CLCN3: variants seen among roughly 807,000 people sequenced by gnomAD.
CLCN3 encodes the protein Cl-/H+ antiporter 3, also known as H(+)/Cl(-) exchange transporter 3.
A neutral mutation model predicts 83.4 loss-of-function variants in CLCN3; 16 were observed. The ratio of observed to expected loss-of-function variants is 0.19; its 90% CI spans 0.13 to 0.29. CLCN3 has a LOEUF of 0.29. CLCN3 is among the 10% of genes least tolerant of loss of function. CLCN3 has a pLI of 1.00. For missense variants in CLCN3, 544 were observed against 1,006.0 expected (o/e 0.54, Z 6.21); for synonymous variants, 322 against 346.2 (o/e 0.93, Z 0.78).
intron 7 of CLCN3, among the ~76,000 whole-genome samples, chr4:169,693,605 G>A (rs1222940316): frequency 6.6e-6 from 1 of 152,122 alleles, no homozygotes; most frequent in African/African-American, 2.4e-5. Flanking sequence ...GACTATGTGG[G>A]TATATATTTG....
intron 2 of CLCN3, among the ~76,000 whole-genome samples, chr4:169,669,160 G>T (rs1255317402): frequency 1.3e-5 from 2 of 152,160 alleles, no homozygotes; most frequent in African/African-American, 4.8e-5. Flanking sequence ...TTTTAAGTTT[G>T]GAAATATACC....
chr4:169,697,758 T>A (rs773222659), intron 9 of CLCN3, 24 bp downstream of exon 9: 1 of 1,504,486 alleles, frequency 6.6e-7, no homozygotes, highest in Non-Finnish European at 9.0e-7. Flanking sequence ...TGAGGTGATA[T>A]TTGGGTAATT....
At position 169,620,638 on chromosome 4, in the gene CLCN3, G is replaced by T; in HGVS notation, c.-442G>T. 2.5e-6 allele frequency: 1 copy of T among 397,790 alleles called. No homozygotes were observed. The allele number at this position is 397,790 out of a possible 1,614,324, so 24.6% of individuals were successfully genotyped here. A position where few individuals can be genotyped will look rare whatever the true frequency, so the allele number is the denominator to read the frequency against. On this transcript the variant is annotated 5_prime_UTR_variant, in exon 1 of 13. Transcript: ENST00000513761. ...CGGAACCTGCAGCCCCTTTCCCAGT[G>T]TTCTAGTTCGCCCGTGACCCGGAAT... is the stretch of plus-strand genomic sequence containing the variant.
In CLCN3 at chr4:169,680,165, T is replaced by C. The variant is rs374804050; in HGVS notation, c.276T>C (p.Asp92=). The C allele has an allele frequency of 1.5e-4, 237 of 1,613,930 alleles. 2 individuals are homozygous for C. The South Asian group carries it at 1.7e-3, about 12-fold the overall frequency. ...VGTYDDFHTI[D]WVREKCKDRE... ...CATATGATGATTTCCATACTATTGATTGGGTGCGAGAAAAATGTAAAGACA... is the reference window on the plus strand; with the variant it reads ...CATATGATGATTTCCATACTATTGACTGGGTGCGAGAAAAATGTAAAGACA... Residue 92 remains aspartate, a synonymous_variant, in exon 3 of 13, where the codon GAT becomes GAC. Coordinates refer to ENST00000513761, the MANE Select transcript of CLCN3 (RefSeq NM_001829.4).
chr4:169,706,665 C>CA (rs1733006167), intron 10 of CLCN3, among the ~76,000 whole-genome samples: 1 of 152,098 alleles, frequency 6.6e-6, no homozygotes. Context: ...CTGTTATAAA[C>CA]AAAGAAAATT....
intron 1 of CLCN3, 114 bp from the exon 2 acceptor site, chr4:169,635,799 A>T (rs537982005): frequency 5.8e-5 from 41 of 701,724 alleles, no homozygotes; most frequent in South Asian, 1.9e-4. Flanking sequence ...TGTTACAGTG[A>T]ATACGCTTAA....
intron 1 of CLCN3, among the ~76,000 whole-genome samples, chr4:169,626,241 A>G (rs1469361109): frequency 6.6e-6 from 1 of 152,234 alleles, no homozygotes; most frequent in East Asian, 1.9e-4. Context: ...ACAGATGCAT[A>G]GGGGGAGATA....
At position 169,693,806 on chromosome 4, in the gene CLCN3, C is replaced by T. The variant is rs115285375; in HGVS notation, c.936+1486C>T. On this transcript the variant is annotated intron_variant, in intron 7 of 12. Transcript: ENST00000513761. The stretch of plus-strand genomic sequence containing the variant: ...TAGATGTTTGAGAAATTAAGTTTAC[C>T]TAAATTTTAATGTTCATACTGTAGT... Among the ~76,000 whole-genome samples, 245 of 152,158 alleles carry T rather than the reference C, an allele frequency of 1.6e-3. 1 individual carries two copies. Among genetic ancestry groups the T allele is most frequent in the Middle Eastern group, 3.4e-3 (1 of 294 alleles).
intron 1 of CLCN3, among the ~76,000 whole-genome samples, chr4:169,632,776 G>T (rs1009759609): frequency 2.2e-5 from 3 of 137,128 alleles, no homozygotes; most frequent in African/African-American, 8.1e-5. Context: ...GGGCTGCATA[G>T]AACTTTTTCT....
rs977967662 is a variant in CLCN3 at position 169,643,509 on chromosome 4, C to A, written c.160+7421C>A. On this transcript the variant is annotated intron_variant, in intron 2 of 12. Coordinates refer to ENST00000513761, the MANE Select transcript of CLCN3 (RefSeq NM_001829.4). ...CCTCCCAAAGTGTTAGGATTACAGG[C>A]GTGCACCACTGCGCCTGGCCTCAAA... Among the ~76,000 whole-genome samples the A allele has an allele frequency of 1.3e-5, 2 of 152,036 alleles. 1 individual carries two copies. Among genetic ancestry groups the A allele is most frequent in the South Asian group, 4.1e-4 (2 of 4,826 alleles).
intron 11 of CLCN3, among the ~76,000 whole-genome samples, chr4:169,710,989 G>T (rs1299723741): frequency 6.6e-6 from 1 of 152,102 alleles, no homozygotes; most frequent in Admixed American, 6.6e-5. Context: ...ACTGTATCTG[G>T]CCTGCTGTAG....
chr4:169,669,360 G>A (rs1303611990), intron 2 of CLCN3, among the ~76,000 whole-genome samples: 1 of 152,072 alleles, frequency 6.6e-6, no homozygotes, highest in Non-Finnish European at 1.5e-5. Flanking sequence ...GTGTGGTGGT[G>A]CTTGCCTGCA....
At chr4:169,681,129 A>G (rs1731920577) in intron 3 of CLCN3, among the ~76,000 whole-genome samples, 1 of 152,062 alleles carries the variant, frequency 6.6e-6, no homozygotes, top group East Asian at 1.9e-4. Flanking sequence ...GCTCACTGCA[A>G]CCTCTGCCTC....
At chr4:169,688,284 A>G (rs1732237002) in intron 4 of CLCN3, among the ~76,000 whole-genome samples, 1 of 152,216 alleles carries the variant, frequency 6.6e-6, no homozygotes, top group African/African-American at 2.4e-5. Flanking sequence ...CTCAAGACCT[A>G]TCCCCTTCAT....
chr4:169,669,240 C>T lies in CLCN3; in HGVS notation c.161-10810C>T, dbSNP rs148030740. 3.2e-3 allele frequency among the ~76,000 whole-genome samples: 484 copies of T among 152,124 alleles called. 1 individual carries two copies. Among genetic ancestry groups the T allele is most frequent in the Non-Finnish European group, 4.8e-3 (328 of 67,992 alleles). On this transcript the variant is annotated intron_variant, in intron 2 of 12. Transcript: ENST00000513761. ...TCGAGAATAAGAAAAGACTTAAAAT[C>T]GTAAAAATTAACTGGAAAAGAGGAT...
At chr4:169,634,042 G>C (rs1773446240) in intron 1 of CLCN3, among the ~76,000 whole-genome samples, 1 of 152,092 alleles carries the variant, frequency 6.6e-6, no homozygotes, top group African/African-American at 2.4e-5. Context: ...GAGCAGAGTT[G>C]CATGCTTGTG....
intron 2 of CLCN3, among the ~76,000 whole-genome samples, chr4:169,646,979 A>G (rs1389853927): frequency 6.6e-6 from 1 of 152,232 alleles, no homozygotes; most frequent in Non-Finnish European, 1.5e-5. Flanking sequence ...AGAGTCCTTT[A>G]TGATAATTTT....
At chr4:169,684,841 A>G (rs1228085233) in intron 3 of CLCN3, among the ~76,000 whole-genome samples, 1 of 152,146 alleles carries the variant, frequency 6.6e-6, no homozygotes, top group Admixed American at 6.5e-5. Flanking sequence ...ACCCCACAAT[A>G]CACACATACA....
In CLCN3 at chr4:169,620,852, AAGG is replaced by A. The variant is rs1773093987; in HGVS notation, c.-223_-221del. On this transcript the variant is annotated 5_prime_UTR_variant, in exon 1 of 13. Transcript: ENST00000513761. ...TAACTTCATGTTGCTCCCGTGTTTG[AAGG>A]AGGACAATAAAAGTCCCACCGGGCA... 2.5e-6 allele frequency: 1 copy of A among 398,558 alleles called. No homozygotes were observed. Among genetic ancestry groups the A allele is most frequent in the African/African-American group, 2.1e-5 (1 of 48,724 alleles). The allele number at this position is 398,558 out of a possible 1,614,324, so 24.7% of individuals were successfully genotyped here.
Sources: gnomAD v4.1 joint callset for allele counts (sites outside exome capture counted in the v4.1 genomes callset) on GRCh38, gnomAD v4.1.1 for gene constraint, MANE v1.5 for transcripts, NCBI Gene and HGNC (gene_info 2026-07-23, HGNC 2026-07-21) for gene names.